KLHL29: variants seen among roughly 807,000 people sequenced by gnomAD.
KLHL29 encodes the protein kelch-like protein 29.
A neutral mutation model predicts 80.4 loss-of-function variants in KLHL29; 21 were observed. The observed-to-expected ratio is 0.26, with a 90% confidence interval of 0.19 to 0.38. The LOEUF is 0.38. Among genes scored for constraint, KLHL29 ranks in the 10% least tolerant of loss-of-function variants. The pLI, the probability that KLHL29 is intolerant of heterozygous loss-of-function variation, is 1.00. For missense variants in KLHL29, 867 were observed against 1,223.9 expected, an observed-to-expected ratio of 0.71 and a Z score of 4.35; for synonymous variants, 511 against 526.8, an observed-to-expected ratio of 0.97 and a Z score of 0.41.
At chr2:23,404,281 T>C (rs894233626) in intron 1 of KLHL29, among the ~76,000 whole-genome samples, 16 of 144,600 alleles carry the variant, frequency 1.1e-4, no homozygotes, top group African/African-American at 3.6e-4. Context: ...AAAAAAAAAA[T>C]CACTCAGTCA....
intron 5 of KLHL29, among the ~76,000 whole-genome samples, chr2:23,660,879 AAGTC>A (rs965799197): frequency 9.0e-4 from 137 of 152,132 alleles, no homozygotes; most frequent in African/African-American, 3.2e-3. Context: ...TACAAAAAAA[AAGTC>A]AGCCAGGCGT....
chr2:23,396,917 C>A (rs115710773), intron 1 of KLHL29, among the ~76,000 whole-genome samples: 4,412 of 152,254 alleles, frequency 0.029, 74 homozygotes, highest in Non-Finnish European at 0.044. Context: ...AAATGATTTT[C>A]ATGGAAAGCG....
chr2:23,628,976 C>G (rs1227114501), intron 3 of KLHL29, among the ~76,000 whole-genome samples: 4 of 152,216 alleles, frequency 2.6e-5, no homozygotes, highest in Admixed American at 6.5e-5. Context: ...CCTGCCGTGC[C>G]CACCTCCCCG....
At chr2:23,598,442 C>T (rs1668482863) in intron 3 of KLHL29, among the ~76,000 whole-genome samples, 1 of 151,976 alleles carries the variant, frequency 6.6e-6, no homozygotes. Flanking sequence ...TGTGCGCACA[C>T]TCACATATAC....
At position 23,578,116 on chromosome 2, in the gene KLHL29, T is replaced by C. The variant is rs1274448540; in HGVS notation, c.285+15635T>C. On this transcript the variant is annotated intron_variant, in intron 3 of 13. Coordinates refer to ENST00000486442, the MANE Select transcript of KLHL29 (RefSeq NM_052920.2). ...TTCTGTCCTATGGCATGCCTGAGGG[T>C]GCCAAGAGACAGGAAGAAGCTGTTG... Among the ~76,000 whole-genome samples the C allele has an allele frequency of 2.0e-5, 3 of 152,118 alleles. No individual in the cohort carries two copies. In the East Asian group the frequency reaches 5.8e-4, roughly 29 times the overall value.
At chr2:23,481,007 A>G (rs942736389) in intron 2 of KLHL29, among the ~76,000 whole-genome samples, 11 of 152,218 alleles carry the variant, frequency 7.2e-5, no homozygotes, top group African/African-American at 2.7e-4. Context: ...CCCACAAATC[A>G]TGTTGTAACA....
At chr2:23,642,140 C>T (rs192714903) in intron 4 of KLHL29, among the ~76,000 whole-genome samples, 198 bp from the exon 5 acceptor site, 57 of 152,250 alleles carry the variant, frequency 3.7e-4, no homozygotes, top group African/African-American at 1.3e-3. Flanking sequence ...CTCTGAGCCC[C>T]GATGGCTGTT....
At chr2:23,428,997 A>G (rs541630130) in intron 1 of KLHL29, among the ~76,000 whole-genome samples, 83 of 152,288 alleles carry the variant, frequency 5.5e-4, no homozygotes, top group African/African-American at 1.8e-3. Flanking sequence ...CTCAAGGTAT[A>G]GCTTTGGTTG....
At chr2:23,430,032 C>T (rs142429262) in intron 1 of KLHL29, among the ~76,000 whole-genome samples, 54 of 152,292 alleles carry the variant, frequency 3.5e-4, no homozygotes, top group African/African-American at 1.3e-3. Context: ...GGTTGAGTTG[C>T]TGGGTATATT....
chr2:23,650,234 C>T (rs1328934606), intron 5 of KLHL29, among the ~76,000 whole-genome samples: 2 of 152,170 alleles, frequency 1.3e-5, no homozygotes, highest in Non-Finnish European at 2.9e-5. Flanking sequence ...TTAGAGCCTG[C>T]AGGAAAGTTA....
At chr2:23,573,450 T>G (rs1195959032) in intron 3 of KLHL29, among the ~76,000 whole-genome samples, 1 of 152,004 alleles carries the variant, frequency 6.6e-6, no homozygotes, top group Non-Finnish European at 1.5e-5. Flanking sequence ...CTCAGCAGAG[T>G]GGGATTCATC....
intron 3 of KLHL29, among the ~76,000 whole-genome samples, chr2:23,602,332 C>T (rs562347761): frequency 6.6e-6 from 1 of 152,328 alleles, no homozygotes; most frequent in Admixed American, 6.5e-5. Flanking sequence ...ACCCTTTCTC[C>T]TTGCGCTTTT....
chr2:23,411,379 T>TTGTGTGTGTGTGTGTGTGTGTGTG (rs56103621), intron 1 of KLHL29, among the ~76,000 whole-genome samples: 1 of 108,944 alleles, frequency 9.2e-6, no homozygotes, highest in African/African-American at 3.8e-5. Context: ...GTTGCAAAAA[T>TTGTGTGTGTGTGTGTGTGTGTGTG]TGTGTGTGTG....
rs144144099 is a variant in KLHL29, at chr2:23,393,107, G to A, written c.-154+7327G>A. 5.8e-4 allele frequency among the ~76,000 whole-genome samples: 89 copies of A among 152,266 alleles called. No individual in the cohort carries two copies. In the East Asian group the frequency reaches 0.017, roughly 28 times the overall value. On this transcript the variant is annotated intron_variant, in intron 1 of 13. Transcript: ENST00000486442. ...AAAGATTCATCTAGAACCACTAATC[G>A]CTGACCCGGGCTTGTTCATGTTTGC...
At chr2:23,512,538 C>T (rs1324927509) in intron 2 of KLHL29, among the ~76,000 whole-genome samples, 1 of 152,136 alleles carries the variant, frequency 6.6e-6, no homozygotes. Flanking sequence ...AGAATGATAT[C>T]TGGAATATAA....
chr2:23,591,823 G>A (rs1211441922), intron 3 of KLHL29, among the ~76,000 whole-genome samples: 3 of 152,052 alleles, frequency 2.0e-5, no homozygotes, highest in African/African-American at 7.2e-5. Flanking sequence ...ACACCCACCC[G>A]CCCCTCAGGG....
At chr2:23,693,927 G>A (rs150233729) in intron 8 of KLHL29, among the ~76,000 whole-genome samples, 1 of 152,288 alleles carries the variant, frequency 6.6e-6, no homozygotes, top group African/African-American at 2.4e-5. Context: ...GGTCCTGAGG[G>A]GACTGTGTTG....
intron 1 of KLHL29, among the ~76,000 whole-genome samples, chr2:23,471,025 G>A (rs186579363): frequency 2.0e-5 from 3 of 152,346 alleles, no homozygotes; most frequent in Non-Finnish European, 2.9e-5. Flanking sequence ...GGGAGCAGGC[G>A]TTCCTGCCCA....
intron 3 of KLHL29, among the ~76,000 whole-genome samples, chr2:23,565,693 C>T (rs958064306): frequency 2.6e-5 from 4 of 151,792 alleles, no homozygotes; most frequent in Admixed American, 1.3e-4. Flanking sequence ...CGAGGTTGGC[C>T]GGGTAGAAGC....
Sources: gnomAD v4.1 joint callset for allele counts (sites outside exome capture counted in the v4.1 genomes callset) on GRCh38, gnomAD v4.1.1 for gene constraint, MANE v1.5 for transcripts, NCBI Gene and HGNC (gene_info 2026-07-23, HGNC 2026-07-21) for gene names.